CEP83: variants seen among roughly 807,000 people sequenced by gnomAD.
CEP83 encodes the protein centrosomal protein of 83 kDa.
A neutral mutation model predicts 101.9 loss-of-function variants in CEP83; 70 were observed. The observed-to-expected ratio is 0.69, with a 90% CI of 0.57 to 0.84. CEP83 has a LOEUF of 0.84. CEP83 is among the 40% of genes least tolerant of loss of function. The probability of loss-of-function intolerance (pLI) is 0.00; values close to 1 mark genes in which losing one functional copy is unlikely to be tolerated. For missense variants in CEP83, 715 were observed against 787.2 expected, an observed-to-expected ratio of 0.91 and a Z score of 1.10; for synonymous variants, 264 against 267.9, an observed-to-expected ratio of 0.99 and a Z score of 0.14.
intron 6 of CEP83, among the ~76,000 whole-genome samples, 155 bp downstream of exon 6, chr12:94,400,693 CTG>C (rs1402968269): frequency 6.6e-6 from 1 of 151,814 alleles, no homozygotes; most frequent in East Asian, 1.9e-4. Flanking sequence ...CACAAAAAAA[CTG>C]TTGATACGAA....
intron 11 of CEP83, among the ~76,000 whole-genome samples, chr12:94,362,585 C>T (rs147762901): frequency 7.0e-4 from 106 of 151,886 alleles, no homozygotes; most frequent in African/African-American, 2.4e-3. Context: ...TACAGTGAGC[C>T]GAGATCACAC....
At chr12:94,414,957 G>A (rs142467419) in intron 2 of CEP83, among the ~76,000 whole-genome samples, 134 of 152,132 alleles carry the variant, frequency 8.8e-4, no homozygotes, top group Non-Finnish European at 1.7e-3. Flanking sequence ...TAAAATTCTA[G>A]TTAATACATA....
At chr12:94,349,647 A>T (rs1390193949) in intron 11 of CEP83, among the ~76,000 whole-genome samples, 1 of 152,242 alleles carries the variant, frequency 6.6e-6, no homozygotes, top group African/African-American at 2.4e-5. Flanking sequence ...TATATGAAAA[A>T]GCCACAGTGA....
At chr12:94,353,992 A>G (rs1209349679) in intron 11 of CEP83, among the ~76,000 whole-genome samples, 1 of 152,200 alleles carries the variant, frequency 6.6e-6, no homozygotes, top group African/African-American at 2.4e-5. Context: ...GATATATTAA[A>G]GCAAATATAA....
chr12:94,314,358 C>T (rs1340634323), intron 14 of CEP83, among the ~76,000 whole-genome samples: 1 of 152,168 alleles, frequency 6.6e-6, no homozygotes, highest in Non-Finnish European at 1.5e-5. Context: ...CCTACCTTTC[C>T]CCCTTCCAAT....
intron 11 of CEP83, among the ~76,000 whole-genome samples, chr12:94,348,841 A>G (rs1185211668): frequency 6.6e-6 from 1 of 152,224 alleles, no homozygotes; most frequent in African/African-American, 2.4e-5. Context: ...CCAATGCGTC[A>G]AAAGTGGAAC....
intron 1 of CEP83, among the ~76,000 whole-genome samples, chr12:94,456,001 T>C (rs1004787486): frequency 1.3e-5 from 2 of 150,938 alleles, no homozygotes; most frequent in South Asian, 2.1e-4. Flanking sequence ...TGAACAAAGA[T>C]TGCACCACTA....
chr12:94,306,939 G>C (rs2136249613), downstream of CEP83: 1 of 152,232 alleles, frequency 6.6e-6, no homozygotes. Flanking sequence ...TGAGAGGTCT[G>C]GTCCCCATTG....
chr12:94,276,714 G>A, the CEP83 span, among the ~76,000 whole-genome samples: 3 of 152,176 alleles, frequency 2.0e-5, no homozygotes, highest in Non-Finnish European at 4.4e-5. Context: ...CGGGTGTGAG[G>A]CTTCACATGT....
chr12:94,435,635 G>A (rs566084589), intron 1 of CEP83, among the ~76,000 whole-genome samples: 2 of 152,178 alleles, frequency 1.3e-5, no homozygotes, highest in East Asian at 1.9e-4. Context: ...TTCTACTACC[G>A]CAGCTGCTCC....
chr12:94,446,835 A>G (rs2066845137), intron 1 of CEP83, among the ~76,000 whole-genome samples: 1 of 152,252 alleles, frequency 6.6e-6, no homozygotes, highest in African/African-American at 2.4e-5. Context: ...ATAATCGCCA[A>G]AAACTTCCCT....
chr12:94,331,635 G>T (rs542003875), intron 14 of CEP83, 65 bp downstream of exon 14: 207 of 1,483,922 alleles, frequency 1.4e-4, no homozygotes, highest in Non-Finnish European at 1.8e-4. Flanking sequence ...GCCTCCCAAA[G>T]TGCTGGGATT....
At chr12:94,313,448 T>C (rs1272666455) in intron 14 of CEP83, among the ~76,000 whole-genome samples, 3 of 147,156 alleles carry the variant, frequency 2.0e-5, no homozygotes, top group Non-Finnish European at 3.0e-5. Flanking sequence ...GGCAGGAGGA[T>C]GGATTAAGCC....
At chr12:94,365,769 G>GAAAAAAAAAAAAAAAAAAAAAAAA in intron 11 of CEP83, among the ~76,000 whole-genome samples, 1 of 70,724 alleles carries the variant, frequency 1.4e-5, no homozygotes, top group Non-Finnish European at 2.9e-5. Context: ...GACTGTGTTT[G>GAAAAAAAAAAAAAAAAAAAAAAAA]AAAAAAAAAA....
intron 11 of CEP83, among the ~76,000 whole-genome samples, chr12:94,362,949 C>T (rs1156414382): frequency 1.3e-5 from 2 of 152,202 alleles, no homozygotes; most frequent in Non-Finnish European, 2.9e-5. Flanking sequence ...ATATATACTG[C>T]ATGTTCTCAC....
chr12:94,421,166 G>C (rs970461010), intron 2 of CEP83, among the ~76,000 whole-genome samples: 2 of 151,968 alleles, frequency 1.3e-5, no homozygotes, highest in South Asian at 2.1e-4. Flanking sequence ...CCAAGTAGCT[G>C]GTACTACAGG....
intron 1 of CEP83, among the ~76,000 whole-genome samples, chr12:94,452,656 A>G (rs1237607235): frequency 6.6e-6 from 1 of 152,204 alleles, no homozygotes; most frequent in African/African-American, 2.4e-5. Context: ...AAAATTTGTA[A>G]TATCATCCAT....
In CEP83 at chr12:94,390,264, C is replaced by T. The variant is rs187684139; in HGVS notation, c.549+10586G>A. ...GCAAGCTGACCCTCTGGGACGAAGC[C>T]TCCAGAGGAAGGATTAGGCAACAAC... is the stretch of plus-strand genomic sequence containing the variant. On this transcript the variant is annotated intron_variant, in intron 6 of 16. Coordinates refer to ENST00000397809, the MANE Select transcript of CEP83 (RefSeq NM_016122.3). Among the ~76,000 whole-genome samples the T allele has an allele frequency of 2.2e-3, 328 of 152,250 alleles. 1 individual carries two copies. The highest frequency in any genetic ancestry group is 7.4e-3 in the African/African-American group (308 of 41,544).
At chr12:94,343,120 CATATAT>C (rs140745114) in intron 11 of CEP83, among the ~76,000 whole-genome samples, 5 of 146,932 alleles carry the variant, frequency 3.4e-5, no homozygotes, top group African/African-American at 7.5e-5. Context: ...TATAGAACTT[CATATAT>C]ATATATATAT....
Sources: gnomAD v4.1 joint callset for allele counts (sites outside exome capture counted in the v4.1 genomes callset) on GRCh38, gnomAD v4.1.1 for gene constraint, MANE v1.5 for transcripts, NCBI Gene and HGNC (gene_info 2026-07-23, HGNC 2026-07-21) for gene names.